RBFOX1: variants seen among roughly 807,000 people sequenced by gnomAD.
RBFOX1 encodes RNA binding fox-1 homolog 1.
Under a neutral mutation model 57.7 loss-of-function variants are expected in RBFOX1, and 8 were observed. That is an observed-to-expected ratio of 0.14 (90% CI 0.08 to 0.25). The LOEUF (loss-of-function observed/expected upper bound fraction) is 0.25. RBFOX1 is among the 10% of genes least tolerant of loss of function. The pLI is 1.00. For synonymous variants in RBFOX1, 326 were observed against 222.4 expected (o/e 1.47, Z -4.15); for missense variants, 611 against 548.5 (o/e 1.11, Z -1.14).
intron 3 of RBFOX1, among the ~76,000 whole-genome samples, chr16:5,801,712 G>C (rs1416096172): frequency 6.6e-6 from 1 of 152,164 alleles, no homozygotes; most frequent in Non-Finnish European, 1.5e-5. Context: ...CTTTGATAGA[G>C]ATGAACCATC....
At position 5,524,790 on chromosome 16, in the gene RBFOX1, C is replaced by G. The variant is rs150799004; in HGVS notation, c.258+57536C>G. ...TCCTGACCTCAAGTAATCTTCCAGT[C>G]TCGGCCTCCCGAAGTGCTGGGATTA... On this transcript the variant is annotated intron_variant, in intron 2 of 2. Transcript: ENST00000585867. Among the ~76,000 whole-genome samples, 517 of 152,180 alleles carry G rather than the reference C, an allele frequency of 3.4e-3. 5 individuals are homozygous for G. Among genetic ancestry groups the G allele is most frequent in the Middle Eastern group, 0.01 (3 of 294 alleles).
chr16:7,492,794 A>G (rs926710060), intron 4 of RBFOX1, among the ~76,000 whole-genome samples: 1 of 152,090 alleles, frequency 6.6e-6, no homozygotes, highest in Non-Finnish European at 1.5e-5. Context: ...GACTCTCACC[A>G]TGTGACATGC....
intron 1 of RBFOX1, among the ~76,000 whole-genome samples, chr16:5,278,701 C>T (rs1307918100): frequency 2.0e-5 from 3 of 152,160 alleles, no homozygotes; most frequent in Admixed American, 6.5e-5. Flanking sequence ...GTGTTTACTT[C>T]TAGTAGTTTT....
intron 4 of RBFOX1, among the ~76,000 whole-genome samples, chr16:7,197,683 A>C (rs541787083): frequency 6.6e-6 from 1 of 152,324 alleles, no homozygotes; most frequent in Admixed American, 6.5e-5. Flanking sequence ...TCAACTGTCC[A>C]TCACCAGGTG....
chr16:6,820,914 A>T (rs1164823115), intron 3 of RBFOX1, among the ~76,000 whole-genome samples: 1 of 152,186 alleles, frequency 6.6e-6, no homozygotes, highest in Non-Finnish European at 1.5e-5. Context: ...TTTGGACCAT[A>T]CATTTCATGC....
intron 3 of RBFOX1, among the ~76,000 whole-genome samples, chr16:5,666,312 T>C (rs972873770): frequency 3.9e-4 from 60 of 152,312 alleles, no homozygotes; most frequent in African/African-American, 1.4e-3. Context: ...TTCTTCAACA[T>C]TGGTACTCGT....
intron 4 of RBFOX1, among the ~76,000 whole-genome samples, chr16:7,517,477 C>T (rs1239405980): frequency 1.5e-4 from 23 of 151,678 alleles, no homozygotes; most frequent in Admixed American, 1.5e-3. Flanking sequence ...AGTCTTTGTC[C>T]AAATTAGGCC....
chr16:6,592,905 A>T (rs953225493), intron 2 of RBFOX1, among the ~76,000 whole-genome samples: 5 of 152,130 alleles, frequency 3.3e-5, no homozygotes, highest in African/African-American at 1.2e-4. Context: ...GAGAGTGGAG[A>T]TCATTGGCTG....
rs181806606 is a variant in RBFOX1 at position 6,442,012 on chromosome 16, T to C, written c.-64+124955T>C. Among the ~76,000 whole-genome samples the C allele has an allele frequency of 3.3e-5, 5 of 152,322 alleles. No individual in the cohort carries two copies. The East Asian group carries it at 9.7e-4, about 29-fold the overall frequency. ...GTGAGAGTCACTTTCTAAAGATTGC[T>C]CTGAGGAATTCATAGGCTTTGTTTC... is the stretch of plus-strand genomic sequence containing the variant. On this transcript the variant is annotated intron_variant, in intron 2 of 15. Coordinates refer to ENST00000550418, the MANE Select transcript of RBFOX1 (RefSeq NM_018723.4).
In RBFOX1 at chr16:7,710,989, G is replaced by A. The variant is rs1404492497; in HGVS notation, c.*244G>A. The A allele has an allele frequency of 7.0e-6, 3 of 428,304 alleles. No individual in the cohort carries two copies. The highest frequency in any genetic ancestry group is 6.5e-5 in the South Asian group (1 of 15,418). The allele number at this position is 428,304 out of a possible 1,614,324, so 26.5% of individuals were successfully genotyped here. The stretch of plus-strand genomic sequence containing the variant: ...TTGGTTGCTGGCTGTAGGAGTTTTT[G>A]TGGTTGATCTAGACAGATGCTAGAT... On this transcript the variant is annotated 3_prime_UTR_variant, in exon 16 of 16. Transcript: ENST00000550418.
intron 3 of RBFOX1, among the ~76,000 whole-genome samples, chr16:6,889,749 C>T (rs890511253): frequency 1.3e-5 from 2 of 152,156 alleles, no homozygotes; most frequent in African/African-American, 4.8e-5. Context: ...GGAATAGACC[C>T]TTCAGTGGTA....
chr16:7,100,501 A>G (rs899267654), intron 4 of RBFOX1, among the ~76,000 whole-genome samples: 7 of 151,992 alleles, frequency 4.6e-5, no homozygotes, highest in African/African-American at 7.3e-5. Context: ...TTTTCATACA[A>G]ATTATCTCAT....
intron 2 of RBFOX1, among the ~76,000 whole-genome samples, chr16:6,650,858 C>T (rs900023309): frequency 6.6e-6 from 1 of 152,158 alleles, no homozygotes; most frequent in Non-Finnish European, 1.5e-5. Context: ...TTTCTGTAGA[C>T]TTAACCACAA....
At chr16:6,775,329 CAAAAAAAAAAAAAAA>C (rs371277644) in intron 3 of RBFOX1, among the ~76,000 whole-genome samples, 1 of 67,328 alleles carries the variant, frequency 1.5e-5, no homozygotes, top group African/African-American at 5.2e-5. Flanking sequence ...GACTCTGTCT[CAAAAAAAAAAAAAAA>C]AAAAAAAAGT....
chr16:6,015,871 A>G (rs767485430), upstream of RBFOX1, among the ~76,000 whole-genome samples: 3 of 152,190 alleles, frequency 2.0e-5, no homozygotes, highest in African/African-American at 4.8e-5. Flanking sequence ...TGCATATGCT[A>G]TTGGACTGTA....
At chr16:6,197,389 A>G (rs2097186872) in intron 1 of RBFOX1, among the ~76,000 whole-genome samples, 1 of 151,970 alleles carries the variant, frequency 6.6e-6, no homozygotes, top group Admixed American at 6.6e-5. Flanking sequence ...CCCCATCCGC[A>G]ATCTGCACCA....
At position 7,000,596 on chromosome 16, in the gene RBFOX1, C is replaced by CTTTTTTTTTTT. The variant is rs759103545; in HGVS notation, c.-15-51450_-15-51440dup. On this transcript the variant is annotated intron_variant, in intron 3 of 15. Coordinates refer to ENST00000550418, the MANE Select transcript of RBFOX1 (RefSeq NM_018723.4). ...TTTCTTTTTTTCTTTCTTTTTCTTT[C>CTTTTTTTTTTT]TTTTTTTTTTTTTTTTTTTTTGAGA... Among the ~76,000 whole-genome samples the CTTTTTTTTTTT allele has an allele frequency of 3.3e-3, 303 of 92,572 alleles. 2 individuals are homozygous for CTTTTTTTTTTT. Among genetic ancestry groups the CTTTTTTTTTTT allele is most frequent in the Admixed American group, 4.1e-3 (28 of 6,816 alleles). The allele number at this position is 92,572 out of a possible 152,430, so 60.7% of individuals were successfully genotyped here.
intron 1 of RBFOX1, among the ~76,000 whole-genome samples, chr16:5,326,746 G>A (rs535261171): frequency 3.9e-4 from 60 of 152,338 alleles, no homozygotes; most frequent in African/African-American, 1.3e-3. Flanking sequence ...CCTTGATGAT[G>A]ATGATGTCTG....
At chr16:5,394,261 A>G (rs1051939507) in intron 1 of RBFOX1, among the ~76,000 whole-genome samples, 1 of 152,098 alleles carries the variant, frequency 6.6e-6, no homozygotes, top group Non-Finnish European at 1.5e-5. Flanking sequence ...TGAACTCGTG[A>G]TCTGCCCGCC....
Sources: allele counts gnomAD v4.1 joint callset (sites outside exome capture counted in the v4.1 genomes callset), GRCh38; gene constraint gnomAD v4.1.1; transcripts MANE v1.5; gene names NCBI Gene and HGNC (gene_info 2026-07-23, HGNC 2026-07-21).